The following TANC1 variants were observed in gnomAD, a reference collection of about 807,000 sequenced individuals.
TANC1 encodes tetratricopeptide repeat, ankyrin repeat and coiled-coil containing 1, also known as protein TANC1.
In TANC1, 77 loss-of-function variants were observed where a neutral mutation model predicts 149.7. The ratio of observed to expected loss-of-function variants is 0.51; its 90% CI spans 0.43 to 0.62. The LOEUF (loss-of-function observed/expected upper bound fraction) is 0.62. Ranked by LOEUF, TANC1 falls within the 20% of genes least tolerant of loss-of-function variation. The pLI is 0.00. For missense variants in TANC1, 1,985 were observed against 2,321.8 expected, an observed-to-expected ratio of 0.85 and a Z score of 2.98; for synonymous variants, 854 against 925.0, an observed-to-expected ratio of 0.92 and a Z score of 1.39.
intron 1 of TANC1, among the ~76,000 whole-genome samples, chr2:158,997,486 A>G (rs953114966): frequency 2.0e-5 from 3 of 152,196 alleles, no homozygotes; most frequent in Non-Finnish European, 4.4e-5. Flanking sequence ...AGAAACAATA[A>G]CACCCCAGTA....
intron 4 of TANC1, among the ~76,000 whole-genome samples, chr2:159,129,978 T>G: frequency 6.6e-6 from 1 of 151,980 alleles, no homozygotes; most frequent in East Asian, 1.9e-4. Flanking sequence ...AACATCAGAA[T>G]CTACATTTGA....
chr2:159,091,865 A>G (rs1440547752), intron 3 of TANC1, among the ~76,000 whole-genome samples: 1 of 152,130 alleles, frequency 6.6e-6, no homozygotes, highest in Non-Finnish European at 1.5e-5. Flanking sequence ...TCTATAAGAC[A>G]TAAAATGGCT....
intron 1 of TANC1, among the ~76,000 whole-genome samples, chr2:158,974,464 C>T (rs181101887): frequency 7.2e-5 from 11 of 152,292 alleles, no homozygotes; most frequent in African/African-American, 2.4e-4. Flanking sequence ...GACAGAGTCT[C>T]ACTCTGTTAC....
intron 16 of TANC1, among the ~76,000 whole-genome samples, chr2:159,190,418 T>G (rs2057354925): frequency 6.6e-6 from 1 of 152,224 alleles, no homozygotes; most frequent in Non-Finnish European, 1.5e-5. Flanking sequence ...ATGTGTATCT[T>G]CTCTACTCCT....
chr2:159,205,412 C>A (rs116513849), intron 19 of TANC1, among the ~76,000 whole-genome samples: 3,075 of 152,348 alleles, frequency 0.02, 54 homozygotes, highest in Non-Finnish European at 0.035. Flanking sequence ...GCCTTGCAGT[C>A]ACATATACAG....
intron 4 of TANC1, among the ~76,000 whole-genome samples, chr2:159,099,542 C>T (rs916014632): frequency 4.0e-5 from 6 of 151,864 alleles, no homozygotes; most frequent in African/African-American, 1.5e-4. Context: ...CTTTGCTTGG[C>T]TACACTGTAG....
chr2:159,165,807 G>C (rs541229336), intron 8 of TANC1, among the ~76,000 whole-genome samples: 1 of 152,352 alleles, frequency 6.6e-6, no homozygotes, highest in African/African-American at 2.4e-5. Context: ...GGATTGGCAG[G>C]TAAAGGAAGG....
intron 2 of TANC1, among the ~76,000 whole-genome samples, chr2:159,025,943 A>T (rs532269839): frequency 1.3e-4 from 20 of 152,078 alleles, no homozygotes; most frequent in African/African-American, 4.8e-4. Flanking sequence ...TGCTATTTTT[A>T]TTTTTTGTAG....
At chr2:159,184,277 A>G (rs1475127946) in intron 14 of TANC1, among the ~76,000 whole-genome samples, 1 of 152,230 alleles carries the variant, frequency 6.6e-6, no homozygotes, top group Non-Finnish European at 1.5e-5. Flanking sequence ...TCATGAATGC[A>G]GATTGTCTTA....
chr2:159,052,509 G>T (rs373960371), intron 2 of TANC1, among the ~76,000 whole-genome samples: 8 of 152,130 alleles, frequency 5.3e-5, no homozygotes, highest in African/African-American at 1.9e-4. Flanking sequence ...TGGGCCCCTC[G>T]ATCTTGGACT....
chr2:159,007,147 T>G (rs1355967900), intron 2 of TANC1, among the ~76,000 whole-genome samples: 2 of 145,030 alleles, frequency 1.4e-5, no homozygotes, highest in Admixed American at 6.8e-5. Context: ...TGTTTTTTTT[T>G]TTTTTTTTTT....
chr2:158,983,375 G>A (rs1207859940), intron 1 of TANC1, among the ~76,000 whole-genome samples: 1 of 149,724 alleles, frequency 6.7e-6, no homozygotes, highest in African/African-American at 2.5e-5. Context: ...GCTGAGGCAG[G>A]AGAATAGCGT....
chr2:159,175,134 T>A lies in TANC1; in HGVS notation c.1685T>A (p.Val562Glu). ...LSLRSCVQDPVAAFKRGVLEP... is the reference protein window; with the variant it reads ...LSLRSCVQDPEAAFKRGVLEP... ...CTCCGATCCTGTGTGCAGGACCCGG[T>A]GGCAGCTTTCAAGAGGGGAGTGCTG... The change falls in exon 12 of 27, where the codon GTG (valine) becomes GAG (glutamate). Residue 562 changes from valine (V) to glutamate (E), a missense_variant. Val to Glu is a moderately radical substitution (Grantham distance 121). This residue lies in a region of TANC1 where 508 missense variants were observed against 714.2 expected (regional missense o/e 0.71). Coordinates refer to ENST00000263635, the MANE Select transcript of TANC1 (RefSeq NM_033394.3). 1 of 1,614,110 alleles carries A rather than the reference T, an allele frequency of 6.2e-7. No individual in the cohort carries two copies.
chr2:159,213,104 C>T (rs2059109476), intron 19 of TANC1, among the ~76,000 whole-genome samples: 1 of 152,008 alleles, frequency 6.6e-6, no homozygotes, highest in African/African-American at 2.4e-5. Flanking sequence ...AGGAAGACAC[C>T]CATGAATTTT....
intron 2 of TANC1, among the ~76,000 whole-genome samples, chr2:159,046,162 T>C (rs1437776697): frequency 3.3e-5 from 5 of 152,174 alleles, no homozygotes; most frequent in Non-Finnish European, 7.4e-5. Context: ...TTTTTCTCCT[T>C]CCCTGGGACC....
chr2:159,006,936 A>G (rs1053892685), intron 2 of TANC1, among the ~76,000 whole-genome samples: 6 of 152,196 alleles, frequency 3.9e-5, no homozygotes, highest in African/African-American at 1.2e-4. Context: ...TGACAATAAT[A>G]ATGCTGTGCA....
Position 159,186,960 on chromosome 2 carries a change from A to G in TANC1, c.2678A>G (p.Tyr893Cys). Residue 893 changes from tyrosine to cysteine, a missense_variant, in exon 16 of 27, where the codon TAC (tyrosine) becomes TGC (cysteine). Physicochemically the swap from Tyr to Cys is radical, Grantham distance 194. Around this residue, in one of 3 missense-constraint regions of TANC1, gnomAD observed 508 missense variants for 714.2 expected, o/e 0.71. Transcript: ENST00000263635. ...CATCTCCAAGCCCTGTGGATCGGCT[A>G]CAGCACCGAGGGGCTGTCCGCCGCC... ...SSHLQALWIG[Y>C]STEGLSAALA... is the part of the protein sequence containing the mutation. 6.2e-7 allele frequency: 1 copy of G among 1,614,222 alleles called. No individual in the cohort carries two copies. Among genetic ancestry groups the G allele is most frequent in the South Asian group, 1.1e-5 (1 of 91,080 alleles).
intron 8 of TANC1, among the ~76,000 whole-genome samples, chr2:159,168,173 G>A (rs73967204): frequency 0.018 from 2,758 of 152,206 alleles, 89 homozygotes; most frequent in African/African-American, 0.063. Flanking sequence ...AATAACAGGA[G>A]GGGTTTTTAA....
At chr2:159,150,611 T>C in intron 7 of TANC1, 55 bp downstream of exon 7, 1 of 1,382,792 alleles carries the variant, frequency 7.2e-7, no homozygotes, top group Non-Finnish European at 1.0e-6. Context: ...AACCAGAGCA[T>C]TCACCAGGCA....
Sources: allele counts gnomAD v4.1 joint callset (sites outside exome capture counted in the v4.1 genomes callset), GRCh38; gene constraint gnomAD v4.1.1; regional missense constraint gnomAD v4.1.1; transcripts MANE v1.5; gene names NCBI Gene and HGNC (gene_info 2026-07-23, HGNC 2026-07-21).